The following GNA14 variants were observed in gnomAD, a reference collection of about 807,000 sequenced individuals.
GNA14 encodes the protein G protein subunit alpha 14.
In GNA14, 50 loss-of-function variants were observed where a neutral mutation model predicts 42.0. The ratio of observed to expected loss-of-function variants is 1.19; its 90% CI spans 0.95 to 1.51. The LOEUF is 1.51. Among genes scored for constraint, GNA14 ranks in the 40% most tolerant of loss-of-function variants. The pLI, the probability that GNA14 is intolerant of heterozygous loss-of-function variation, is 0.00. For missense variants in GNA14, 473 were observed against 446.2 expected, an observed-to-expected ratio of 1.06 and a Z score of -0.54; for synonymous variants, 173 against 163.1, an observed-to-expected ratio of 1.06 and a Z score of -0.46.
chr9:77,587,273 C>T (rs567189213), intron 1 of GNA14, among the ~76,000 whole-genome samples: 2 of 152,304 alleles, frequency 1.3e-5, no homozygotes, highest in South Asian at 2.1e-4. Context: ...AGAATTACCA[C>T]ATGACCCAGC....
chr9:77,442,232 G>T (rs540982281), intron 2 of GNA14, among the ~76,000 whole-genome samples: 80 of 152,262 alleles, frequency 5.3e-4, no homozygotes, highest in South Asian at 1.4e-3. Flanking sequence ...AATTAGATGG[G>T]CGTGTGATGC....
intron 2 of GNA14, among the ~76,000 whole-genome samples, chr9:77,503,467 G>A (rs1837007538): frequency 6.6e-6 from 1 of 152,152 alleles, no homozygotes; most frequent in Admixed American, 6.6e-5. Context: ...GAAGTATGGA[G>A]GAACTTGCTA....
At chr9:77,440,961 C>T (rs1471278933) in intron 2 of GNA14, among the ~76,000 whole-genome samples, 2 of 152,138 alleles carry the variant, frequency 1.3e-5, no homozygotes, top group Non-Finnish European at 2.9e-5. Context: ...AGTGATCCGC[C>T]CACCTCAGCT....
intron 2 of GNA14, among the ~76,000 whole-genome samples, chr9:77,521,352 C>T (rs547154620): frequency 1.3e-5 from 2 of 152,208 alleles, no homozygotes; most frequent in African/African-American, 4.8e-5. Context: ...CGTGCAGAAT[C>T]TGAATTTTTC....
At chr9:77,551,911 A>T (rs941154171) in intron 1 of GNA14, among the ~76,000 whole-genome samples, 1 of 151,830 alleles carries the variant, frequency 6.6e-6, no homozygotes, top group Non-Finnish European at 1.5e-5. Flanking sequence ...AGGCCGAGTC[A>T]GGCGGATCAC....
chr9:77,601,261 A>G (rs533993288), intron 1 of GNA14, among the ~76,000 whole-genome samples: 62 of 152,188 alleles, frequency 4.1e-4, no homozygotes, highest in Non-Finnish European at 6.2e-4. Flanking sequence ...CTGTGTGCCT[A>G]ACTTTTCCTG....
intron 1 of GNA14, among the ~76,000 whole-genome samples, chr9:77,558,748 T>C (rs73460084): frequency 0.044 from 6,626 of 152,192 alleles, 155 homozygotes; most frequent in South Asian, 0.052. Context: ...GCCTGCCTTC[T>C]GTATAAAGTC....
chr9:77,544,244 T>TA (rs1837693389), intron 1 of GNA14, among the ~76,000 whole-genome samples: 1 of 152,232 alleles, frequency 6.6e-6, no homozygotes, highest in Non-Finnish European at 1.5e-5. Context: ...AAATGCTTAT[T>TA]AGGGACAAAA....
intron 1 of GNA14, among the ~76,000 whole-genome samples, chr9:77,605,109 C>A (rs1282979402): frequency 6.6e-6 from 1 of 152,152 alleles, no homozygotes; most frequent in African/African-American, 2.4e-5. Context: ...TATCTAAATA[C>A]CTCAACATGA....
At chr9:77,464,493 AT>A (rs1279924306) in intron 2 of GNA14, among the ~76,000 whole-genome samples, 3 of 151,664 alleles carry the variant, frequency 2.0e-5, no homozygotes, top group Non-Finnish European at 2.9e-5. Flanking sequence ...CACAAAGTCC[AT>A]TTTTTTCTTT....
At chr9:77,632,606 G>A (rs1032496957) in intron 1 of GNA14, among the ~76,000 whole-genome samples, 4 of 152,158 alleles carry the variant, frequency 2.6e-5, no homozygotes, top group African/African-American at 4.8e-5. Flanking sequence ...CCAGGGCTGT[G>A]ACTCCCTTTG....
At chr9:77,427,313 T>C (rs1430029051) in intron 5 of GNA14, among the ~76,000 whole-genome samples, 1 of 130,056 alleles carries the variant, frequency 7.7e-6, no homozygotes, top group Non-Finnish European at 1.6e-5. Context: ...GATAACTGAA[T>C]GTCTTGCCTT....
At chr9:77,513,524 T>A (rs922982159) in intron 2 of GNA14, among the ~76,000 whole-genome samples, 7 of 152,196 alleles carry the variant, frequency 4.6e-5, no homozygotes, top group African/African-American at 1.7e-4. Flanking sequence ...GTATACACAG[T>A]CCCTGCCCTT....
chr9:77,629,849 G>A (rs1377343175), intron 1 of GNA14, among the ~76,000 whole-genome samples: 1 of 152,084 alleles, frequency 6.6e-6, no homozygotes, highest in East Asian at 1.9e-4. Context: ...TGCACGTTCT[G>A]CACATGTATC....
rs573437350 is a variant in GNA14, at chr9:77,529,660, C to G, written c.125-407G>C. Among the ~76,000 whole-genome samples, 3 of 152,284 alleles carry G rather than the reference C, an allele frequency of 2.0e-5. No individual in the cohort carries two copies. The South Asian group carries it at 6.2e-4, about 32-fold the overall frequency. ...CATGAATCAGTCAACTCCTTCCTTT[C>G]AGATACACAAATATTCTTCATCCCT... On this transcript the variant is annotated intron_variant, in intron 1 of 6. Transcript: ENST00000341700.
At chr9:77,490,711 C>T (rs543107928) in intron 2 of GNA14, among the ~76,000 whole-genome samples, 1 of 152,238 alleles carries the variant, frequency 6.6e-6, no homozygotes, top group Admixed American at 6.5e-5. Flanking sequence ...CACCCGGAAC[C>T]CCAGCTGGCC....
intron 1 of GNA14, among the ~76,000 whole-genome samples, chr9:77,538,364 G>A (rs921579839): frequency 3.3e-5 from 5 of 152,072 alleles, no homozygotes; most frequent in South Asian, 4.1e-4. Flanking sequence ...GTGAGGCATC[G>A]CTTCTGACCT....
intron 2 of GNA14, among the ~76,000 whole-genome samples, chr9:77,475,606 C>T (rs1180431833): frequency 6.6e-6 from 1 of 152,146 alleles, no homozygotes; most frequent in Non-Finnish European, 1.5e-5. Context: ...AGCATGGACC[C>T]TTCCTTCCCT....
intron 2 of GNA14, among the ~76,000 whole-genome samples, chr9:77,515,847 C>A (rs945206587): frequency 6.6e-6 from 1 of 150,510 alleles, no homozygotes; most frequent in Non-Finnish European, 1.5e-5. Flanking sequence ...ACCTGTAGTC[C>A]CAGTTAGGAG....
Sources: gnomAD v4.1 joint callset for allele counts (sites outside exome capture counted in the v4.1 genomes callset) on GRCh38, gnomAD v4.1.1 for gene constraint, MANE v1.5 for transcripts, NCBI Gene and HGNC (gene_info 2026-07-23, HGNC 2026-07-21) for gene names.